Variants in CLVS1 observed in about 807,000 individuals in gnomAD.
The protein encoded by CLVS1 is clavesin-1.
CLVS1 carries 10 observed loss-of-function variants against 33.1 expected under a neutral mutation model. That is an observed-to-expected ratio of 0.30 (90% confidence interval 0.19 to 0.51). The LOEUF is 0.51. CLVS1 is among the 20% of genes least tolerant of loss of function. The pLI is 0.97. For missense variants in CLVS1, 343 were observed against 433.4 expected, an observed-to-expected ratio of 0.79 and a Z score of 1.85; for synonymous variants, 163 against 166.1, an observed-to-expected ratio of 0.98 and a Z score of 0.14.
intron 1 of CLVS1, among the ~76,000 whole-genome samples, chr8:61,059,821 A>AAT (rs1489549200): frequency 6.6e-6 from 1 of 151,792 alleles, no homozygotes; most frequent in Non-Finnish European, 1.5e-5. Context: ...AAAAAAAAAA[A>AAT]ATAGTGAACG....
chr8:61,221,805 A>G (rs909449644), intron 2 of CLVS1, among the ~76,000 whole-genome samples: 1 of 152,196 alleles, frequency 6.6e-6, no homozygotes, highest in Non-Finnish European at 1.5e-5. Context: ...CTGTGAATCC[A>G]TCTAATCCTG....
chr8:60,992,457 T>C, the CLVS1 span, among the ~76,000 whole-genome samples: 1 of 152,180 alleles, frequency 6.6e-6, no homozygotes, highest in Non-Finnish European at 1.5e-5. Context: ...GAAAGACTGC[T>C]GGAATGATCA....
intron 2 of CLVS1, among the ~76,000 whole-genome samples, chr8:61,182,229 T>C (rs551424601): frequency 2.5e-4 from 38 of 151,976 alleles, no homozygotes; most frequent in Non-Finnish European, 5.1e-4. Flanking sequence ...ATAAAAACCC[T>C]AGAAGAAAAC....
chr8:61,072,754 TAA>T (rs1804821998), intron 1 of CLVS1, among the ~76,000 whole-genome samples: 1 of 152,156 alleles, frequency 6.6e-6, no homozygotes, highest in Non-Finnish European at 1.5e-5. Flanking sequence ...CACTCTCACA[TAA>T]AATAAAATAA....
the CLVS1 span, among the ~76,000 whole-genome samples, chr8:60,978,809 C>CAAAAAAAAAAAAA: frequency 4.4e-5 from 1 of 22,528 alleles, no homozygotes; most frequent in African/African-American, 1.9e-4. Context: ...GACTCCATCT[C>CAAAAAAAAAAAAA]AAAAAAAAAA....
chr8:61,305,178 A>T (rs1034386563), intron 2 of CLVS1, among the ~76,000 whole-genome samples: 1 of 152,154 alleles, frequency 6.6e-6, no homozygotes, highest in Non-Finnish European at 1.5e-5. Flanking sequence ...AATACCTAGG[A>T]TACTGGGTCA....
intron 2 of CLVS1, among the ~76,000 whole-genome samples, chr8:61,309,221 C>G (rs1176076866): frequency 6.6e-6 from 1 of 152,204 alleles, no homozygotes; most frequent in Non-Finnish European, 1.5e-5. Context: ...TGGAGAGGGA[C>G]TTGTTGGTTC....
At chr8:61,214,442 C>A (rs1808042086) in intron 2 of CLVS1, among the ~76,000 whole-genome samples, 1 of 151,908 alleles carries the variant, frequency 6.6e-6, no homozygotes. Context: ...CTCAAGCTGG[C>A]TGACGCTTAA....
intron 5 of CLVS1, among the ~76,000 whole-genome samples, chr8:61,494,563 C>G (rs1804203518): frequency 1.3e-5 from 2 of 152,146 alleles, no homozygotes; most frequent in African/African-American, 2.4e-5. Flanking sequence ...CAAGAGTGAT[C>G]TGGACAACAA....
chr8:61,100,907 T>G (rs559003560), intron 1 of CLVS1, among the ~76,000 whole-genome samples: 2 of 152,122 alleles, frequency 1.3e-5, no homozygotes, highest in South Asian at 4.2e-4. Flanking sequence ...CAGTACTTCA[T>G]TTTTTTTGGT....
At chr8:61,192,400 T>G (rs1008452869) in intron 2 of CLVS1, among the ~76,000 whole-genome samples, 5 of 152,118 alleles carry the variant, frequency 3.3e-5, no homozygotes, top group Non-Finnish European at 7.4e-5. Flanking sequence ...GACTTAAACG[T>G]TAAACCTAAA....
At chr8:61,123,478 G>C (rs1308964770) in intron 1 of CLVS1, among the ~76,000 whole-genome samples, 2 of 152,040 alleles carry the variant, frequency 1.3e-5, no homozygotes, top group Non-Finnish European at 2.9e-5. Context: ...AATTATATGT[G>C]GTAAACATAG....
At chr8:61,283,970 T>C (rs1232687788), upstream of CLVS1, among the ~76,000 whole-genome samples, 1 of 152,180 alleles carries the variant, frequency 6.6e-6, no homozygotes, top group African/African-American at 2.4e-5. Context: ...TTCCAATATA[T>C]GGAATCGGCC....
intron 1 of CLVS1, among the ~76,000 whole-genome samples, chr8:61,068,120 C>T (rs1212828329): frequency 6.6e-6 from 1 of 150,550 alleles, no homozygotes; most frequent in Non-Finnish European, 1.5e-5. Context: ...TGCACTGAGC[C>T]CTGATTGCAC....
intron 3 of CLVS1, among the ~76,000 whole-genome samples, chr8:61,417,429 C>A (rs1204931366): frequency 2.0e-5 from 3 of 152,088 alleles, no homozygotes; most frequent in Non-Finnish European, 4.4e-5. Flanking sequence ...TTTTGCTCCA[C>A]CTGTTGGACT....
At chr8:61,208,580 T>G (rs1332638719) in intron 2 of CLVS1, among the ~76,000 whole-genome samples, 2 of 152,126 alleles carry the variant, frequency 1.3e-5, no homozygotes, top group Admixed American at 1.3e-4. Context: ...CTAGATTGAC[T>G]GCACCCCATT....
chr8:61,050,496 G>A, the CLVS1 span, among the ~76,000 whole-genome samples: 1 of 152,178 alleles, frequency 6.6e-6, no homozygotes, highest in African/African-American at 2.4e-5. Flanking sequence ...CAGTGTGCTG[G>A]GCCAACAGAG....
chr8:61,432,851 G>A (rs1422853671), intron 3 of CLVS1, among the ~76,000 whole-genome samples: 7 of 152,184 alleles, frequency 4.6e-5, no homozygotes, highest in African/African-American at 1.2e-4. Context: ...AACACAAGCC[G>A]CAGTAGGATC....
At chr8:61,465,449 T>A (rs1228247775) in intron 5 of CLVS1, 1 of 152,172 alleles carries the variant, frequency 6.6e-6, no homozygotes, top group Non-Finnish European at 1.5e-5. Flanking sequence ...TCTTGTTTTT[T>A]TTCTTTGGAT....
Sources: gnomAD v4.1 joint callset for allele counts (sites outside exome capture counted in the v4.1 genomes callset) on GRCh38, gnomAD v4.1.1 for gene constraint, MANE v1.5 for transcripts, NCBI Gene and HGNC (gene_info 2026-07-23, HGNC 2026-07-21) for gene names.